Variants in SETD5 observed in about 807,000 individuals in gnomAD.
SETD5 encodes the protein SET domain containing 5.
SETD5 carries 44 observed loss-of-function variants against 153.3 expected under a neutral mutation model. The observed-to-expected ratio is 0.29, with a 90% CI of 0.23 to 0.37. SETD5 has a LOEUF of 0.37. SETD5 is among the 10% of genes least tolerant of loss of function. The pLI is 1.00. For missense variants in SETD5, 1,544 were observed against 1,768.0 expected (o/e 0.87, Z 2.27); for synonymous variants, 716 against 645.2 (o/e 1.11, Z -1.66).
chr3:9,398,144 A>T (rs1354313853), intron 1 of SETD5, among the ~76,000 whole-genome samples, 167 bp downstream of exon 1: 1 of 147,816 alleles, frequency 6.8e-6, no homozygotes, highest in East Asian at 2.0e-4. Context: ...CGCCTTGCAC[A>T]CACCGTTGCA....
chr3:9,423,845 G>A (rs75903617), intron 1 of SETD5, among the ~76,000 whole-genome samples: 6,675 of 152,192 alleles, frequency 0.044, 243 homozygotes, highest in Admixed American at 0.11. Context: ...AGACTTAAAG[G>A]ATACTGATCA....
chr3:9,440,111 A>G (rs1426935708), intron 7 of SETD5, among the ~76,000 whole-genome samples: 1 of 152,262 alleles, frequency 6.6e-6, no homozygotes, highest in Non-Finnish European at 1.5e-5. Flanking sequence ...AGATTTTCTT[A>G]TGAACTTGAT....
chr3:9,465,082 C>G (rs768488185), intron 18 of SETD5: 2 of 196,238 alleles, frequency 1.0e-5, no homozygotes, highest in Admixed American at 5.2e-5. Flanking sequence ...GTTTCTAGGC[C>G]TTTAAATAAG....
intron 3 of SETD5, chr3:9,431,759 G>C: frequency 1.0e-6 from 1 of 974,542 alleles, no homozygotes; most frequent in Non-Finnish European, 1.2e-6. Context: ...AGATGGGTAA[G>C]ATACAACCAG....
At position 9,440,440 on chromosome 3, in the gene SETD5, A is replaced by G; in HGVS notation, c.568-16A>G. On this transcript the variant is annotated splice_polypyrimidine_tract_variant and intron_variant, in intron 7 of 22. Coordinates refer to ENST00000402198, the MANE Select transcript of SETD5 (RefSeq NM_001080517.3). ...TGCATGGACTTTACTAACCTCCCTG[A>G]ATTTGTTTTCTACAGAATTCTCCCT... The G allele has an allele frequency of 7.2e-7, 1 of 1,380,212 alleles. No homozygotes were observed. The highest frequency in any genetic ancestry group is 1.0e-6 in the Non-Finnish European group (1 of 967,482). 85.5% of individuals were successfully genotyped at this position (1,380,212 alleles called of 1,614,324 possible).
intron 1 of SETD5, among the ~76,000 whole-genome samples, chr3:9,420,973 A>G (rs1280595102): frequency 1.3e-4 from 20 of 152,158 alleles, no homozygotes; most frequent in Non-Finnish European, 1.5e-5. Context: ...TTCTTCACAT[A>G]TACTTAAAGG....
At chr3:9,444,552 C>A (rs1177233215) in intron 11 of SETD5, among the ~76,000 whole-genome samples, 1 of 151,454 alleles carries the variant, frequency 6.6e-6, no homozygotes, top group Non-Finnish European at 1.5e-5. Context: ...TTTTTTCCCA[C>A]TGACCATGGA....
chr3:9,461,418 A>G (rs2043941195), intron 17 of SETD5, among the ~76,000 whole-genome samples: 1 of 152,172 alleles, frequency 6.6e-6, no homozygotes, highest in Non-Finnish European at 1.5e-5. Flanking sequence ...GTCTCGATAA[A>G]AATTTACCAG....
intron 1 of SETD5, among the ~76,000 whole-genome samples, chr3:9,411,201 C>G (rs191627087): frequency 1.3e-5 from 2 of 152,250 alleles, no homozygotes; most frequent in Non-Finnish European, 2.9e-5. Context: ...TTCAGGTACA[C>G]TTGGGACACT....
Position 9,442,236 on chromosome 3 carries a change from A to G in SETD5, c.1068A>G (p.Pro356=), listed in dbSNP as rs375926486. 4.9e-5 allele frequency: 79 copies of G among 1,609,704 alleles called. No homozygotes were observed. Among genetic ancestry groups the G allele is most frequent in the Non-Finnish European group, 5.9e-5 (70 of 1,177,368 alleles). Residue 356 remains proline (P), a synonymous_variant, in exon 10 of 23, where the codon CCA becomes CCG. Transcript: ENST00000402198. Reference sequence around the variant, plus strand: ...GGTTCATCAGAAGATCATGTACACCAAATGCAGAGGTAAGATATCTGTAGC... The same window carrying G: ...GGTTCATCAGAAGATCATGTACACCGAATGCAGAGGTAAGATATCTGTAGC... ...DARFIRRSCT[P]NAEVRHMIAD... is the part of the protein sequence containing the mutation.
chr3:9,471,324 G>A (rs1030811095), intron 19 of SETD5, among the ~76,000 whole-genome samples: 6 of 152,110 alleles, frequency 3.9e-5, no homozygotes, highest in African/African-American at 1.4e-4. Context: ...TAACTTTCCC[G>A]TGGTCACACA....
intron 3 of SETD5, chr3:9,431,016 A>C: frequency 1.0e-6 from 1 of 984,844 alleles, no homozygotes; most frequent in Non-Finnish European, 1.2e-6. Context: ...TATTAATGAT[A>C]TTTATTAATG....
chr3:9,453,834 T>C lies in SETD5; in HGVS notation c.2442T>C (p.Asn814=). The C allele has an allele frequency of 6.3e-7, 1 of 1,599,286 alleles. No homozygotes were observed. Among genetic ancestry groups the C allele is most frequent in the Non-Finnish European group, 8.5e-7 (1 of 1,175,618 alleles). ...AGCACCTATACCAAAGCAATGAGAA[T>C]AGTAGCTCTTCTAGTATCTGCAAAG... is the stretch of plus-strand genomic sequence containing the variant. The part of the protein sequence containing the change: ...RTQHLYQSNE[N]SSSSSICKDN... The change falls in exon 17 of 23, where the codon AAT becomes AAC. Residue 814 remains asparagine, a synonymous_variant. Coordinates refer to ENST00000402198, the MANE Select transcript of SETD5 (RefSeq NM_001080517.3).
At chr3:9,444,919 C>G in intron 11 of SETD5, 129 bp from the exon 12 acceptor site, 1 of 1,231,404 alleles carries the variant, frequency 8.1e-7, no homozygotes, top group East Asian at 2.3e-5. Context: ...TCTCTAATGT[C>G]TCTGTTTAAC....
intron 1 of SETD5, among the ~76,000 whole-genome samples, chr3:9,416,938 GTTTTT>G (rs67192205): frequency 6.9e-6 from 1 of 145,950 alleles, no homozygotes; most frequent in Non-Finnish European, 1.5e-5. Flanking sequence ...TCACCATAAA[GTTTTT>G]TTTTTTTAAG....
intron 18 of SETD5, 98 bp downstream of exon 18, chr3:9,464,770 T>C (rs17050369): frequency 2.5e-6 from 4 of 1,573,900 alleles, no homozygotes; most frequent in South Asian, 2.3e-5. Context: ...TTCTTTACTA[T>C]CTTTCTTCCC....
At chr3:9,414,815 A>ATTTT (rs558115357) in intron 1 of SETD5, among the ~76,000 whole-genome samples, 5 of 147,710 alleles carry the variant, frequency 3.4e-5, no homozygotes, top group Admixed American at 2.0e-4. Context: ...TGGAGCATGG[A>ATTTT]TTTTTTTTTT....
At chr3:9,450,048 G>A (rs1276261109) in intron 16 of SETD5, among the ~76,000 whole-genome samples, 4 of 152,212 alleles carry the variant, frequency 2.6e-5, no homozygotes, top group African/African-American at 7.2e-5. Context: ...TAATTCTAAT[G>A]CTGGGTTGCA....
intron 12 of SETD5, 157 bp from the exon 13 acceptor site, chr3:9,445,500 A>G: frequency 2.3e-6 from 2 of 864,896 alleles, no homozygotes; most frequent in Non-Finnish European, 3.6e-6. Flanking sequence ...ACCAGAGAAT[A>G]GGGGTTAGTT....
Sources: gnomAD v4.1 joint callset for allele counts (sites outside exome capture counted in the v4.1 genomes callset) on GRCh38, gnomAD v4.1.1 for gene constraint, MANE v1.5 for transcripts, NCBI Gene and HGNC (gene_info 2026-07-23, HGNC 2026-07-21) for gene names.